ZNF263: variants seen among roughly 807,000 people sequenced by gnomAD.
ZNF263 encodes the protein zinc finger protein 263, also known as zinc finger protein FPM315.
In ZNF263, 49 loss-of-function variants were observed where a neutral mutation model predicts 63.1. That is an observed-to-expected ratio of 0.78 (90% CI 0.62 to 0.99). ZNF263 has a LOEUF of 0.99. Ranked by LOEUF, ZNF263 falls within the 50% of genes least tolerant of loss-of-function variation. ZNF263 has a pLI of 0.00. For synonymous variants in ZNF263, 352 were observed against 324.2 expected, an observed-to-expected ratio of 1.09 and a Z score of -0.92; for missense variants, 872 against 854.8, an observed-to-expected ratio of 1.02 and a Z score of -0.25.
chr16:3,290,766 C>G lies in ZNF263; in HGVS notation c.*208C>G. The G allele has an allele frequency of 1.5e-6, 2 of 1,376,450 alleles. No homozygotes were observed. The highest frequency in any genetic ancestry group is 1.9e-6 in the Non-Finnish European group (2 of 1,068,198). 85.3% of individuals were successfully genotyped at this position (1,376,450 alleles called of 1,614,324 possible). A position where few individuals can be genotyped will look rare whatever the true frequency, so the allele number is the denominator to read the frequency against. ...CTGCATGAGAAAGGATGGCAAGTCTCTGAGGTGACCTCAGGGTGGAATTCT... is the reference window on the plus strand; with the variant it reads ...CTGCATGAGAAAGGATGGCAAGTCTGTGAGGTGACCTCAGGGTGGAATTCT... On this transcript the variant is annotated 3_prime_UTR_variant, in exon 6 of 6. Transcript: ENST00000219069.
intron 1 of ZNF263, among the ~76,000 whole-genome samples, chr16:3,296,842 GAGAGA>G (rs1244478808): frequency 3.3e-5 from 5 of 152,170 alleles, no homozygotes; most frequent in Non-Finnish European, 7.3e-5. Flanking sequence ...AATTTGAAAG[GAGAGA>G]AAAGTAATGT....
In ZNF263 at chr16:3,290,999, C is replaced by A. The variant is rs372639874; in HGVS notation, c.*441C>A. ...GACCAAAGAAGAGGGGCCAAGTACC[C>A]TGGGAAATCAGCTGAAGGTCAACAA... On this transcript the variant is annotated 3_prime_UTR_variant, in exon 6 of 6. Transcript: ENST00000219069. 1 of 998,280 alleles carries A rather than the reference C, an allele frequency of 1.0e-6. No individual in the cohort carries two copies. 61.8% of individuals were successfully genotyped at this position (998,280 alleles called of 1,614,324 possible).
intron 5 of ZNF263, 102 bp downstream of exon 5, chr16:3,288,672 T>A (rs1959475748): frequency 1.3e-6 from 1 of 751,112 alleles, no homozygotes. Context: ...TGAGATGGAG[T>A]GGCACTCTTG....
intron 2 of ZNF263, chr16:3,299,267 G>T (rs1258986899): frequency 4.3e-6 from 7 of 1,610,720 alleles, no homozygotes; most frequent in Non-Finnish European, 5.9e-6. Flanking sequence ...GTTTTTAGGA[G>T]ACAACCCTTT....
Position 3,283,832 on chromosome 16 carries a change from C to G in ZNF263, c.14C>G (p.Pro5Arg), listed in dbSNP as rs1005441851. Residue 5 changes from proline to arginine, a missense_variant, in exon 1 of 6, where the codon CCG (proline) becomes CGG (arginine). Coordinates refer to ENST00000219069, the MANE Select transcript of ZNF263 (RefSeq NM_005741.5). ...GGAGACCTGACGATGGCGTCGGGCC[C>G]GGGCTCCCAGGAACGGGAAGGGCTC... MASG[P>R]GSQEREGLLI... The G allele has an allele frequency of 1.3e-6, 2 of 1,575,110 alleles. No homozygotes were observed. The highest frequency in any genetic ancestry group is 1.4e-5 in the African/African-American group (1 of 73,834).
intron 2 of ZNF263, chr16:3,300,668 T>C (rs1959914503): frequency 6.6e-7 from 1 of 1,518,118 alleles, no homozygotes; most frequent in African/African-American, 1.4e-5. Flanking sequence ...AAAGCCTTAA[T>C]GAATTGGCAA....
At position 3,297,759 on chromosome 16, in the gene ZNF263, C is replaced by T. The variant is rs934341339; in HGVS notation, c.152-1347C>T. ...GATTACAGCCGTGAGCCACCGCGCC[C>T]GGCCAGAAACAGATTCTTGAAGATA... On this transcript the variant is annotated intron_variant, in intron 1 of 2. Transcript: ENST00000574674. Among the ~76,000 whole-genome samples, 48 of 152,138 alleles carry T rather than the reference C, an allele frequency of 3.2e-4. 1 individual carries two copies. The highest frequency in any genetic ancestry group is 2.9e-3 in the Admixed American group (44 of 15,276).
chr16:3,291,569 C>G (rs145780997), downstream of ZNF263: 184 of 902,542 alleles, frequency 2.0e-4, 1 homozygote, highest in African/African-American at 3.1e-3. Context: ...CTGGGTTGGT[C>G]AGGAAGATGC....
chr16:3,293,583 C>A (rs1347126574), downstream of ZNF263, among the ~76,000 whole-genome samples: 1 of 152,188 alleles, frequency 6.6e-6, no homozygotes, highest in South Asian at 2.1e-4. Context: ...GGACCTCTAG[C>A]CTCTAAGTCC....
At chr16:3,295,772 C>T (rs1192955079), downstream of ZNF263, among the ~76,000 whole-genome samples, 1 of 152,244 alleles carries the variant, frequency 6.6e-6, no homozygotes, top group Non-Finnish European at 1.5e-5. Context: ...GAGGCAGAGT[C>T]AACGCAGAAG....
chr16:3,284,440 A>G (rs747672399), intron 1 of ZNF263, among the ~76,000 whole-genome samples: 3 of 152,240 alleles, frequency 2.0e-5, no homozygotes, highest in Non-Finnish European at 4.4e-5. Context: ...AGTGTTAGCC[A>G]TGGAGTTAGA....
At chr16:3,295,010 C>T (rs754059233), downstream of ZNF263, among the ~76,000 whole-genome samples, 3 of 152,182 alleles carry the variant, frequency 2.0e-5, no homozygotes, top group Non-Finnish European at 4.4e-5. Context: ...GTTCTCGGCT[C>T]TCCTGGGCCT....
At chr16:3,295,806 A>G (rs1376877681), downstream of ZNF263, among the ~76,000 whole-genome samples, 1 of 152,244 alleles carries the variant, frequency 6.6e-6, no homozygotes, top group African/African-American at 2.4e-5. Flanking sequence ...GGACCAGGGC[A>G]GGGCAGTGAG....
chr16:3,300,563 C>T (rs1567259125), intron 2 of ZNF263: 1 of 1,606,446 alleles, frequency 6.2e-7, no homozygotes. Flanking sequence ...CTACTTAGAA[C>T]CTTCATTTTC....
At chr16:3,299,774 C>T (rs574007806) in intron 2 of ZNF263, 2 of 1,563,346 alleles carry the variant, frequency 1.3e-6, no homozygotes, top group East Asian at 2.2e-5. Context: ...AATCTTAGAA[C>T]ATTAAGTTGA....
intron 4 of ZNF263, 112 bp from the exon 5 acceptor site, chr16:3,288,342 A>T: frequency 1.3e-6 from 1 of 787,624 alleles, no homozygotes; most frequent in Non-Finnish European, 2.2e-6. Flanking sequence ...AACTGCTGTC[A>T]GATTTATGGA....
At chr16:3,297,113 A>G (rs1193991940) in intron 1 of ZNF263, among the ~76,000 whole-genome samples, 1 of 151,968 alleles carries the variant, frequency 6.6e-6, no homozygotes, top group Non-Finnish European at 1.5e-5. Flanking sequence ...GACCAACCTG[A>G]GAAACATGGT....
At chr16:3,293,416 T>TG (rs1959668212), downstream of ZNF263, 1 of 152,112 alleles carries the variant, frequency 6.6e-6, no homozygotes, top group African/African-American at 2.4e-5. Context: ...ACGCAGTCTC[T>TG]GTATCTTTAT....
chr16:3,301,204 C>G (rs1224724237), exon 3 of ZNF263: 1 of 167,280 alleles, frequency 6.0e-6, no homozygotes, highest in African/African-American at 2.4e-5. Context: ...TTGCTTTGTA[C>G]ATAGTGTTCA....
Sources: gnomAD v4.1 joint callset for allele counts (sites outside exome capture counted in the v4.1 genomes callset) on GRCh38, gnomAD v4.1.1 for gene constraint, MANE v1.5 for transcripts, NCBI Gene and HGNC (gene_info 2026-07-23, HGNC 2026-07-21) for gene names.